Variants in RIMS1 observed in about 807,000 individuals in gnomAD.
The protein encoded by RIMS1 is regulating synaptic membrane exocytosis 1, also known as regulating synaptic membrane exocytosis protein 1.
In RIMS1, 83 loss-of-function variants were observed where a neutral mutation model predicts 214.1. The observed-to-expected ratio is 0.39, with a 90% CI of 0.32 to 0.47. RIMS1 has a LOEUF of 0.47. Among genes scored for constraint, RIMS1 ranks in the 20% least tolerant of loss-of-function variants. The probability of loss-of-function intolerance (pLI) is 0.99; values close to 1 mark genes in which losing one functional copy is unlikely to be tolerated. For missense variants in RIMS1, 2,050 were observed against 2,161.8 expected (o/e 0.95, Z 1.03); for synonymous variants, 793 against 786.8 (o/e 1.01, Z -0.13).
intron 19 of RIMS1, chr6:72,262,590 C>G: frequency 1.0e-6 from 1 of 960,260 alleles, no homozygotes; most frequent in Non-Finnish European, 1.2e-6. Flanking sequence ...TTCAAAAATA[C>G]GTGCATGTAT....
intron 23 of RIMS1, among the ~76,000 whole-genome samples, chr6:72,280,787 A>AT (rs2089718048): frequency 6.6e-6 from 1 of 152,098 alleles, no homozygotes; most frequent in Non-Finnish European, 1.5e-5. Context: ...ATAGATGAGT[A>AT]AGAAAACCCT....
At chr6:72,334,203 A>G (rs113285613) in intron 29 of RIMS1, among the ~76,000 whole-genome samples, 2,207 of 152,010 alleles carry the variant, frequency 0.015, 57 homozygotes, top group African/African-American at 0.049. Flanking sequence ...ATTTTTGGCT[A>G]TATCTATACT....
At chr6:72,095,105 C>G (rs2030965798) in intron 2 of RIMS1, among the ~76,000 whole-genome samples, 1 of 145,872 alleles carries the variant, frequency 6.9e-6, no homozygotes, top group African/African-American at 2.5e-5. Flanking sequence ...CCACCGCCAC[C>G]ACGCCCGACT....
At chr6:72,225,744 GA>G (rs1164346550) in intron 6 of RIMS1, among the ~76,000 whole-genome samples, 12 of 152,152 alleles carry the variant, frequency 7.9e-5, no homozygotes, top group Admixed American at 7.2e-4. Context: ...TGGTCAGTTG[GA>G]AAGTTGCAGT....
intron 6 of RIMS1, among the ~76,000 whole-genome samples, chr6:72,194,441 T>G (rs2050551514): frequency 6.6e-6 from 1 of 152,142 alleles, no homozygotes; most frequent in South Asian, 2.1e-4. Flanking sequence ...GAGTTTGTTC[T>G]TATGTTTGTT....
chr6:71,942,612 T>C (rs1319085860), intron 1 of RIMS1, among the ~76,000 whole-genome samples: 1 of 152,170 alleles, frequency 6.6e-6, no homozygotes, highest in African/African-American at 2.4e-5. Flanking sequence ...GGTAGCTCTT[T>C]TAGATTCCTG....
chr6:72,081,569 C>G (rs1283659997), intron 2 of RIMS1, among the ~76,000 whole-genome samples: 1 of 151,732 alleles, frequency 6.6e-6, no homozygotes, highest in African/African-American at 2.4e-5. Flanking sequence ...TCTAAATATA[C>G]CATACCATAA....
chr6:72,358,943 A>C (rs765835377), intron 29 of RIMS1, among the ~76,000 whole-genome samples: 6 of 152,182 alleles, frequency 3.9e-5, no homozygotes, highest in Non-Finnish European at 5.9e-5. Context: ...TAAATATCAG[A>C]TCAGATGAGA....
At chr6:72,042,337 A>G (rs909458077) in intron 2 of RIMS1, among the ~76,000 whole-genome samples, 7 of 151,864 alleles carry the variant, frequency 4.6e-5, no homozygotes, top group Non-Finnish European at 8.8e-5. Flanking sequence ...TATTATTCCA[A>G]TAGCTGTGCC....
Position 72,182,732 on chromosome 6 carries a change from C to T in RIMS1, c.1261C>T (p.Pro421Ser), listed in dbSNP as rs757531469. 23 of 1,538,202 alleles carry T rather than the reference C, an allele frequency of 1.5e-5. No individual in the cohort carries two copies. The highest frequency in any genetic ancestry group is 1.9e-5 in the Non-Finnish European group (22 of 1,145,186). ...CGCGCCGGCGGCAGCCAGGGCCTCGCCGCCGGACTCGCCGCGGGCTTACTC... is the reference window on the plus strand; with the variant it reads ...CGCGCCGGCGGCAGCCAGGGCCTCGTCGCCGGACTCGCCGCGGGCTTACTC... ...KRAPAAARASPPDSPRAYSAE... is the reference protein window; with the variant it reads ...KRAPAAARASSPDSPRAYSAE... Residue 421 changes from proline to serine, a missense_variant, in exon 6 of 34, where the codon CCG becomes TCG. Pro to Ser is a moderately conservative substitution (Grantham distance 74). Coordinates refer to ENST00000521978, the MANE Select transcript of RIMS1 (RefSeq NM_014989.7).
chr6:72,180,945 A>T (rs2048326901), intron 5 of RIMS1, among the ~76,000 whole-genome samples: 1 of 152,216 alleles, frequency 6.6e-6, no homozygotes. Context: ...AAAAGAGAAC[A>T]TGTGTTCCCA....
rs374938269 is a variant in RIMS1 at position 72,274,421 on chromosome 6, G to A, written c.3471G>A (p.Pro1157=). The change falls in exon 23 of 34, where the codon CCG becomes CCA. Residue 1157 remains proline, a synonymous_variant. Coordinates refer to ENST00000521978, the MANE Select transcript of RIMS1 (RefSeq NM_014989.7). Reference sequence around the variant, plus strand: ...GGATTCAAATCCAGCATGCGTCTCCGGAGAATGACAGGTACTAGTCAACTC... The same window carrying A: ...GGATTCAAATCCAGCATGCGTCTCCAGAGAATGACAGGTACTAGTCAACTC... ...SPRIQIQHAS[P]ENDRHSRKSE... 268 of 1,612,600 alleles carry A rather than the reference G, an allele frequency of 1.7e-4. No homozygotes were observed. In the African/African-American group the frequency reaches 2.8e-3, roughly 17 times the overall value.
At chr6:72,385,754 C>T (rs2098588630) in intron 29 of RIMS1, among the ~76,000 whole-genome samples, 2 of 152,194 alleles carry the variant, frequency 1.3e-5, no homozygotes, top group African/African-American at 4.8e-5. Context: ...TCTGTTTCTC[C>T]AGATTTACAG....
intron 4 of RIMS1, among the ~76,000 whole-genome samples, chr6:72,151,375 C>G (rs112746064): frequency 1.3e-5 from 2 of 151,976 alleles, no homozygotes; most frequent in Non-Finnish European, 2.9e-5. Context: ...ACGTAACCAG[C>G]GGAATCAGGA....
At chr6:72,077,022 C>T (rs1026104672) in intron 2 of RIMS1, among the ~76,000 whole-genome samples, 2 of 152,186 alleles carry the variant, frequency 1.3e-5, no homozygotes, top group African/African-American at 4.8e-5. Flanking sequence ...CTGACCTTAT[C>T]TCCAATCCCC....
chr6:72,395,585 G>A lies in RIMS1; in HGVS notation c.4619-2664G>A, dbSNP rs187662882. 3.0e-3 allele frequency among the ~76,000 whole-genome samples: 460 copies of A among 152,086 alleles called. 1 individual carries two copies. Among genetic ancestry groups the A allele is most frequent in the African/African-American group, 9.5e-3 (394 of 41,552 alleles). On this transcript the variant is annotated intron_variant, in intron 31 of 33. Transcript: ENST00000521978. ...AATTGGAGGACAGAGCCATAAGAAA[G>A]TATCCAGAATTAATTGGACACATAA... is the stretch of plus-strand genomic sequence containing the variant.
chr6:71,967,707 A>G (rs1467350330), intron 1 of RIMS1, among the ~76,000 whole-genome samples: 1 of 152,078 alleles, frequency 6.6e-6, no homozygotes. Context: ...GATGAACACC[A>G]CTTTTTAAAA....
chr6:72,072,385 A>G (rs1307789054), intron 2 of RIMS1, among the ~76,000 whole-genome samples: 2 of 152,190 alleles, frequency 1.3e-5, no homozygotes, highest in Admixed American at 1.3e-4. Flanking sequence ...AATGGTACAT[A>G]AACTGAAATT....
chr6:71,914,438 TCTAA>T (rs66513959), intron 1 of RIMS1, among the ~76,000 whole-genome samples: 4,310 of 152,198 alleles, frequency 0.028, 88 homozygotes, highest in Non-Finnish European at 0.047. Flanking sequence ...AATTTCTAAT[TCTAA>T]CTAACAAAAA....
Sources: gnomAD v4.1 joint callset for allele counts (sites outside exome capture counted in the v4.1 genomes callset) on GRCh38, gnomAD v4.1.1 for gene constraint, MANE v1.5 for transcripts, NCBI Gene and HGNC (gene_info 2026-07-23, HGNC 2026-07-21) for gene names.